Variants in GPR6 observed in about 807,000 individuals in gnomAD.
The protein encoded by GPR6 is G protein-coupled receptor 6.
GPR6 carries 14 observed loss-of-function variants against 18.5 expected under a neutral mutation model. The observed-to-expected ratio is 0.76, with a 90% CI of 0.50 to 1.18. The LOEUF is 1.18. Among genes scored for constraint, GPR6 ranks in the 50% most tolerant of loss-of-function variants. GPR6 has a pLI of 0.00. For missense variants in GPR6, 477 were observed against 495.9 expected (o/e 0.96, Z 0.36); for synonymous variants, 299 against 240.9 (o/e 1.24, Z -2.23).
rs1484359266 is a variant in GPR6, at chr6:109,979,594, C to T, written c.482C>T (p.Ala161Val). Residue 161 changes from alanine (A) to valine (V), a missense_variant, in exon 2 of 2, where the codon GCC (alanine) becomes GTC (valine). By Grantham distance (64) the Ala-to-Val change is moderately conservative. Transcript: ENST00000275169. The stretch of plus-strand genomic sequence containing the variant: ...GCCGCCTCTGTCAGCAGCCTGCTGG[C>T]CATTACGGTGGACCGCTACCTGTCC... ...SFAASVSSLL[A>V]ITVDRYLSLY... is the part of the protein sequence containing the mutation. The T allele has an allele frequency of 1.7e-5, 27 of 1,612,580 alleles. No homozygotes were observed. In the Admixed American group the frequency reaches 4.3e-4, roughly 26 times the overall value.
In GPR6 at chr6:109,979,532, G is replaced by A. The variant is rs748998756; in HGVS notation, c.420G>A (p.Val140=). The A allele has an allele frequency of 1.2e-6, 2 of 1,613,198 alleles. No individual in the cohort carries two copies. Among genetic ancestry groups the A allele is most frequent in the South Asian group, 2.2e-5 (2 of 91,084 alleles). ...AGTACTTGGTGCCCTCGGAGACTGTGAGTCTGCTCACGGTGGGCTTCCTCG... is the reference window on the plus strand; with the variant it reads ...AGTACTTGGTGCCCTCGGAGACTGTAAGTCTGCTCACGGTGGGCTTCCTCG... ...VFQYLVPSET[V]SLLTVGFLVA... is the part of the protein sequence containing the mutation. Residue 140 remains valine, a synonymous_variant, in exon 2 of 2, where the codon GTG becomes GTA. Transcript: ENST00000275169.
intron 1 of GPR6, chr6:109,978,807 G>T: frequency 2.0e-6 from 3 of 1,535,752 alleles, no homozygotes. Flanking sequence ...ACTCGGGTGC[G>T]TGTGCAAATA....
intron 1 of GPR6, 155 bp downstream of exon 1, chr6:109,978,622 A>G (rs904422962): frequency 1.6e-5 from 14 of 850,558 alleles, no homozygotes; most frequent in Non-Finnish European, 2.2e-5. Flanking sequence ...CTCTCCTCCC[A>G]GACCCCCTTC....
rs759602303 is a variant in GPR6 at position 109,979,243 on chromosome 6, T to C, written c.131T>C (p.Leu44Pro). The C allele has an allele frequency of 2.8e-5, 45 of 1,610,216 alleles. No homozygotes were observed. In the South Asian group the frequency reaches 4.2e-4, roughly 15 times the overall value. ...TGGGGACCCCCTGCTGCGGCGGCTCTAGGAGCCGGCGGCGGAGCTAATGGG... is the reference window on the plus strand; with the variant it reads ...TGGGGACCCCCTGCTGCGGCGGCTCCAGGAGCCGGCGGCGGAGCTAATGGG... Reference protein sequence around the residue: ...GEWGPPAAAALGAGGGANGSL... With the variant: ...GEWGPPAAAAPGAGGGANGSL... The change falls in exon 2 of 2, where the codon CTA becomes CCA. Residue 44 changes from leucine (L) to proline (P), a missense_variant. Leu to Pro is a moderately conservative substitution (Grantham distance 98). Coordinates refer to ENST00000275169, the MANE Select transcript of GPR6 (RefSeq NM_005284.5).
At chr6:109,978,807 G>A (rs940167009) in intron 1 of GPR6, 14 of 1,535,634 alleles carry the variant, frequency 9.1e-6, no homozygotes, top group Non-Finnish European at 1.2e-5. Flanking sequence ...ACTCGGGTGC[G>A]TGTGCAAATA....
In GPR6 at chr6:109,979,157, A is replaced by G. The variant is rs759091272; in HGVS notation, c.45A>G (p.Val15=). ...AASLNDSQVV[V]VAAEGAAAAA... Reference sequence around the variant, plus strand: ...CGCTCAACGACTCCCAGGTGGTGGTAGTGGCGGCCGAAGGAGCGGCGGCGG... The same window carrying G: ...CGCTCAACGACTCCCAGGTGGTGGTGGTGGCGGCCGAAGGAGCGGCGGCGG... Residue 15 remains valine, a synonymous_variant, in exon 2 of 2, where the codon GTA becomes GTG. Transcript: ENST00000275169. The G allele has an allele frequency of 1.3e-6, 2 of 1,598,502 alleles. No individual in the cohort carries two copies. The highest frequency in any genetic ancestry group is 1.7e-6 in the Non-Finnish European group (2 of 1,177,512).
At chr6:109,979,038 G>A (rs1488870332) in intron 1 of GPR6, 57 bp from the exon 2 acceptor site, 7 of 1,536,274 alleles carry the variant, frequency 4.6e-6, no homozygotes, top group South Asian at 2.5e-5. Context: ...TACGCGTGGG[G>A]AAGTTTCCTG....
chr6:109,980,144 C>A lies in GPR6; in HGVS notation c.1032C>A (p.Leu344=). Residue 344 remains leucine, a synonymous_variant, in exon 2 of 2, where the codon CTC becomes CTA. Coordinates refer to ENST00000275169, the MANE Select transcript of GPR6 (RefSeq NM_005284.5). ...TCCAGCGCGCCCTGTGGCTCCTGCT[C>A]TGTGGCTGTTTCCAGTCCAAAGTGC... ...QEIQRALWLL[L]CGCFQSKVPF... 6.2e-7 allele frequency: 1 copy of A among 1,614,268 alleles called. No individual in the cohort carries two copies. The highest frequency in any genetic ancestry group is 8.5e-7 in the Non-Finnish European group (1 of 1,180,054).
In GPR6 at chr6:109,979,583, C is replaced by T. The variant is rs763167133; in HGVS notation, c.471C>T (p.Ser157=). 1 of 1,612,736 alleles carries T rather than the reference C, an allele frequency of 6.2e-7. No homozygotes were observed. The highest frequency in any genetic ancestry group is 8.5e-7 in the Non-Finnish European group (1 of 1,180,010). The change falls in exon 2 of 2, where the codon AGC becomes AGT. Residue 157 remains serine (S), a synonymous_variant. Transcript: ENST00000275169. ...TGGCCTCCTTCGCCGCCTCTGTCAG[C>T]AGCCTGCTGGCCATTACGGTGGACC... ...FLVASFAASV[S]SLLAITVDRY... is the part of the protein sequence containing the mutation.
chr6:109,979,422 C>A lies in GPR6; in HGVS notation c.310C>A (p.Arg104Ser). Residue 104 changes from arginine to serine, a missense_variant, in exon 2 of 2, where the codon CGC becomes AGC. Physicochemically the swap from Arg to Ser is moderately radical, Grantham distance 110. Transcript: ENST00000275169. ...VALIASTPAL[R>S]TPMFVLVGSL... ...GCTCATCGCGTCCACTCCGGCGCTGCGCACGCCCATGTTCGTGCTGGTAGG... is the reference window on the plus strand; with the variant it reads ...GCTCATCGCGTCCACTCCGGCGCTGAGCACGCCCATGTTCGTGCTGGTAGG... 1 of 1,613,322 alleles carries A rather than the reference C, an allele frequency of 6.2e-7. No individual in the cohort carries two copies. Among genetic ancestry groups the A allele is most frequent in the South Asian group, 1.1e-5 (1 of 91,080 alleles).
chr6:109,979,036 G>A (rs1771011264), intron 1 of GPR6, 59 bp from the exon 2 acceptor site: 3 of 1,536,238 alleles, frequency 2.0e-6, no homozygotes, highest in Non-Finnish European at 1.7e-6. Flanking sequence ...TCTACGCGTG[G>A]GGAAGTTTCC....
chr6:109,980,106 C>T lies in GPR6; in HGVS notation c.994C>T (p.Arg332Cys), dbSNP rs921788373. 4 of 1,614,104 alleles carry T rather than the reference C, an allele frequency of 2.5e-6. No homozygotes were observed. The highest frequency in any genetic ancestry group is 1.3e-5 in the African/African-American group (1 of 74,948). Residue 332 changes from arginine (R) to cysteine (C), a missense_variant, in exon 2 of 2, where the codon CGC becomes TGC. By Grantham distance (180) the Arg-to-Cys change is radical (BLOSUM62 -3). Transcript: ENST00000275169. Reference protein sequence around the residue: ...SMINPIIYAFRNQEIQRALWL... With the variant: ...SMINPIIYAFCNQEIQRALWL... ...GATCAATCCCATCATCTATGCCTTC[C>T]GCAACCAGGAGATCCAGCGCGCCCT...
intron 1 of GPR6, 174 bp downstream of exon 1, chr6:109,978,641 C>G: frequency 9.1e-7 from 1 of 1,104,400 alleles, no homozygotes; most frequent in Non-Finnish European, 1.3e-6. Flanking sequence ...TCGCAGGGGT[C>G]TCTGGGCTCC....
Position 109,980,400 on chromosome 6 carries a change from G to A in GPR6, c.*199G>A. The A allele has an allele frequency of 1.5e-6, 1 of 646,896 alleles. No individual in the cohort carries two copies. Among genetic ancestry groups the A allele is most frequent in the Non-Finnish European group, 2.7e-6 (1 of 376,996 alleles). 40.1% of individuals were successfully genotyped at this position (646,896 alleles called of 1,614,324 possible). ...CTTTACATATACAGTGTATACATGT[G>A]TACATATATATACAAATATTTGTAT... On this transcript the variant is annotated 3_prime_UTR_variant, in exon 2 of 2. Coordinates refer to ENST00000275169, the MANE Select transcript of GPR6 (RefSeq NM_005284.5).
chr6:109,978,597 TAC>T (rs941036811), intron 1 of GPR6, 130 bp downstream of exon 1: 2 of 667,786 alleles, frequency 3.0e-6, no homozygotes, highest in Admixed American at 5.6e-5. Context: ...GCTGCCCCCA[TAC>T]ACACACCCTA....
chr6:109,978,513 A>T, intron 1 of GPR6, 46 bp downstream of exon 1: 1 of 487,418 alleles, frequency 2.1e-6, no homozygotes, highest in Non-Finnish European at 3.7e-6. Context: ...TGGGGAGAGG[A>T]GGGGAGAAAG....
intron 1 of GPR6, chr6:109,978,844 G>A: frequency 6.5e-7 from 1 of 1,535,668 alleles, no homozygotes; most frequent in Non-Finnish European, 8.7e-7. Context: ...ATTGATCCTT[G>A]TGCATGTGAG....
rs766573342 is a variant in GPR6 at position 109,980,213 on chromosome 6, C to T, written c.*12C>T. ...CCAGCGAGGTCTGAAGGGCTCGCCC[C>T]GTGTCCTCTCACCAACACCACACCC... is the stretch of plus-strand genomic sequence containing the variant. On this transcript the variant is annotated 3_prime_UTR_variant, in exon 2 of 2. Transcript: ENST00000275169. 2 of 1,614,110 alleles carry T rather than the reference C, an allele frequency of 1.2e-6. No individual in the cohort carries two copies. Among genetic ancestry groups the T allele is most frequent in the South Asian group, 1.1e-5 (1 of 91,074 alleles).
At chr6:109,978,577 C>T (rs1770995808) in intron 1 of GPR6, 110 bp downstream of exon 1, 8 of 602,730 alleles carry the variant, frequency 1.3e-5, no homozygotes, top group Non-Finnish European at 2.3e-5. Flanking sequence ...AACCTTGACT[C>T]CCACCCTCTG....
Sources: gnomAD v4.1 joint callset for allele counts on GRCh38, gnomAD v4.1.1 for gene constraint, MANE v1.5 for transcripts, NCBI Gene and HGNC (gene_info 2026-07-23, HGNC 2026-07-21) for gene names.